PLEKHM1: variants seen among roughly 807,000 people sequenced by gnomAD.
The protein encoded by PLEKHM1 is pleckstrin homology and RUN domain containing M1.
A neutral mutation model predicts 94.3 loss-of-function variants in PLEKHM1; 28 were observed. That is an observed-to-expected ratio of 0.30 (90% CI 0.22 to 0.41). PLEKHM1 has a LOEUF of 0.41. Among genes scored for constraint, PLEKHM1 ranks in the 10% least tolerant of loss-of-function variants. The probability of loss-of-function intolerance (pLI) is 1.00; values close to 1 mark genes in which losing one functional copy is unlikely to be tolerated. For missense variants in PLEKHM1, 907 were observed against 1,358.6 expected, an observed-to-expected ratio of 0.67 and a Z score of 5.22; for synonymous variants, 424 against 581.2, an observed-to-expected ratio of 0.73 and a Z score of 3.89.
In PLEKHM1 at chr17:45,453,961, G is replaced by T. The variant is rs1485058989; in HGVS notation, c.1891C>A (p.Gln631Lys). The change falls in exon 7 of 12, where the codon CAG becomes AAG. Residue 631 changes from glutamine (Q) to lysine (K), a missense_variant. Gln to Lys is a moderately conservative substitution (Grantham distance 53, BLOSUM62 1). Coordinates refer to ENST00000430334, the MANE Select transcript of PLEKHM1 (RefSeq NM_014798.3). The surrounding 1 kb of genome is among the most constrained non-coding windows in gnomAD (Gnocchi z 4.1). ...REALQKVRPQ[Q>K]EDEWVNVQYP... ...TGCACGTTCACCCACTCATCCTCCT[G>T]CTGAGGCCGGACCTTCTGCAGGGCC... 36 of 1,613,808 alleles carry T rather than the reference G, an allele frequency of 2.2e-5. No homozygotes were observed. Among genetic ancestry groups the T allele is most frequent in the Non-Finnish European group, 3.0e-5 (35 of 1,179,854 alleles).
intron 5 of PLEKHM1, among the ~76,000 whole-genome samples, chr17:45,458,772 G>A (rs1481387866): frequency 4.0e-5 from 6 of 151,168 alleles, no homozygotes; most frequent in Non-Finnish European, 8.8e-5. Flanking sequence ...TGCCCAGCCT[G>A]AAGTTTTTTT....
At chr17:45,451,393 G>A (rs1016317220) in intron 7 of PLEKHM1, among the ~76,000 whole-genome samples, 38 of 152,290 alleles carry the variant, frequency 2.5e-4, no homozygotes, top group Non-Finnish European at 5.0e-4. Context: ...ATGGGAGTGG[G>A]ATGTGCCCTG....
intron 5 of PLEKHM1, among the ~76,000 whole-genome samples, chr17:45,465,875 A>G (rs912077094): frequency 1.2e-4 from 18 of 152,036 alleles, no homozygotes; most frequent in Non-Finnish European, 2.5e-4. Flanking sequence ...GCAAAGCAGA[A>G]GCTAGACCAT....
At chr17:45,466,988 T>C (rs1476039789) in intron 5 of PLEKHM1, among the ~76,000 whole-genome samples, 1 of 152,202 alleles carries the variant, frequency 6.6e-6, no homozygotes, top group Non-Finnish European at 1.5e-5. Context: ...AACCCAAATG[T>C]CCATTAACAG....
intron 8 of PLEKHM1, 149 bp downstream of exon 8, chr17:45,450,469 G>C: frequency 7.6e-7 from 1 of 1,316,144 alleles, no homozygotes; most frequent in Non-Finnish European, 1.1e-6. Context: ...CTCTTGGTTA[G>C]CTCCCCAACA....
chr17:45,454,369 G>T, intron 6 of PLEKHM1, 97 bp from the exon 7 acceptor site: 3 of 1,123,180 alleles, frequency 2.7e-6, no homozygotes, highest in Non-Finnish European at 3.9e-6. Context: ...AGTGCATGTG[G>T]CCAGTGACTG....
chr17:45,459,033 C>T (rs59164911), intron 5 of PLEKHM1, among the ~76,000 whole-genome samples: 3 of 151,982 alleles, frequency 2.0e-5, no homozygotes, highest in South Asian at 2.1e-4. Context: ...GAGGCTGAAG[C>T]GGGAGAATCG....
At chr17:45,448,613 G>A (rs2050681746) in intron 8 of PLEKHM1, among the ~76,000 whole-genome samples, 1 of 152,182 alleles carries the variant, frequency 6.6e-6, no homozygotes, top group Non-Finnish European at 1.5e-5. Context: ...ATATAGGCAG[G>A]AGGTGTGACA....
downstream of PLEKHM1, among the ~76,000 whole-genome samples, chr17:45,435,205 G>A (rs532404310): frequency 4.5e-4 from 68 of 152,180 alleles, no homozygotes; most frequent in Non-Finnish European, 8.4e-4. Context: ...GGCAGAGGGT[G>A]CCACCTTGTA....
chr17:45,448,965 A>G (rs1482332318), intron 8 of PLEKHM1, among the ~76,000 whole-genome samples: 1 of 152,244 alleles, frequency 6.6e-6, no homozygotes, highest in Non-Finnish European at 1.5e-5. Flanking sequence ...CAATAAATGC[A>G]CAGAAAAGGG....
chr17:45,485,443 C>T (rs1054342987), intron 1 of PLEKHM1, among the ~76,000 whole-genome samples: 33 of 152,158 alleles, frequency 2.2e-4, no homozygotes, highest in African/African-American at 6.7e-4. Flanking sequence ...GCTACAGGGC[C>T]GGGACCCTAA....
At position 45,444,242 on chromosome 17, in the gene PLEKHM1, T is replaced by G. The variant is rs2684648; in HGVS notation, c.2837+1228A>C. On this transcript the variant is annotated intron_variant, in intron 9 of 11. Transcript: ENST00000430334. This position sits in a 1 kb window ranked among gnomAD's most constrained non-coding sequence, Gnocchi z 5.0. ...CTGCCCCCAGAAACCCAGCAGAGGT[T>G]GATTTGAAGCCCATTCTGGGCAGTA... Among the ~76,000 whole-genome samples, 2 of 152,134 alleles carry G rather than the reference T, an allele frequency of 1.3e-5. No homozygotes were observed. Among genetic ancestry groups the G allele is most frequent in the Non-Finnish European group, 2.9e-5 (2 of 68,010 alleles).
chr17:45,458,359 T>C lies in PLEKHM1; in HGVS notation c.1389A>G (p.Pro463=), dbSNP rs2051038334. The C allele has an allele frequency of 6.2e-7, 1 of 1,613,986 alleles. No homozygotes were observed. The highest frequency in any genetic ancestry group is 8.5e-7 in the Non-Finnish European group (1 of 1,179,840). The change falls in exon 6 of 12, where the codon CCA becomes CCG. Residue 463 remains proline, a synonymous_variant. Coordinates refer to ENST00000430334, the MANE Select transcript of PLEKHM1 (RefSeq NM_014798.3). ...EQPLESASDH[P]IASYRGTPGS... ...CTGGAGTCCCCCTGTAAGAAGCTAT[T>C]GGGTGGTCTGAAGCACTCTCCAGGG...
chr17:45,475,233 AG>A lies in PLEKHM1; in HGVS notation c.789del (p.Cys264AlafsTer3). ...SLDTASSSQL[S>X]CSLNSDSCLL... ...AAGCAGCTATCAGAGTTTAGGCTGC[AG>A]GACAGCTGGGATGAACTGGCCGTGT... On this transcript the variant is annotated frameshift_variant, in exon 4 of 12. Coordinates refer to ENST00000430334, the MANE Select transcript of PLEKHM1 (RefSeq NM_014798.3). LOFTEE classifies it high-confidence loss of function. 1 of 1,614,030 alleles carries A rather than the reference AG, an allele frequency of 6.2e-7. No individual in the cohort carries two copies. Among genetic ancestry groups the A allele is most frequent in the Non-Finnish European group, 8.5e-7 (1 of 1,179,882 alleles).
intron 3 of PLEKHM1, chr17:45,477,562 A>C (rs2051791995): frequency 1.5e-5 from 6 of 399,552 alleles, no homozygotes; most frequent in Admixed American, 7.2e-5. Flanking sequence ...CAGGCCACAC[A>C]ACCTCTGTTG....
chr17:45,453,742 A>G lies in PLEKHM1; in HGVS notation c.2110T>C (p.Ser704Pro). The G allele has an allele frequency of 1.2e-6, 2 of 1,613,916 alleles. No individual in the cohort carries two copies. The highest frequency in any genetic ancestry group is 1.7e-6 in the Non-Finnish European group (2 of 1,179,838). Reference sequence around the variant, plus strand: ...CATTTCAGAGCCTCCAAGGACAGAGAAAATATATAGGGCATCCAGGTCCTG... The same window carrying G: ...CATTTCAGAGCCTCCAAGGACAGAGGAAATATATAGGGCATCCAGGTCCTG... The part of the protein sequence containing the change: ...MDRTWMPYIF[S>P]LSLEALKCFR... Residue 704 changes from serine to proline, a missense_variant, in exon 7 of 12, where the codon TCT (serine) becomes CCT (proline). Coordinates refer to ENST00000430334, the MANE Select transcript of PLEKHM1 (RefSeq NM_014798.3). This position sits in a 1 kb window ranked among gnomAD's most constrained non-coding sequence, Gnocchi z 4.1.
In PLEKHM1 at chr17:45,444,104, G is replaced by C; in HGVS notation, c.2837+1366C>G. On this transcript the variant is annotated intron_variant, in intron 9 of 11. Coordinates refer to ENST00000430334, the MANE Select transcript of PLEKHM1 (RefSeq NM_014798.3). This position sits in a 1 kb window ranked among gnomAD's most constrained non-coding sequence, Gnocchi z 5.0. ...CTGGCCCTGAGGAGGCCCGGCTCTG[G>C]GAGCACTGCAGCCAGGATGGAGGAG... 6.6e-6 allele frequency among the ~76,000 whole-genome samples: 1 copy of C among 152,148 alleles called. No individual in the cohort carries two copies. Among genetic ancestry groups the C allele is most frequent in the East Asian group, 1.9e-4 (1 of 5,182 alleles).
At chr17:45,479,423 C>T (rs1485180393) in intron 2 of PLEKHM1, among the ~76,000 whole-genome samples, 2 of 151,058 alleles carry the variant, frequency 1.3e-5, no homozygotes, top group Non-Finnish European at 1.5e-5. Flanking sequence ...GAGGCTGAGG[C>T]AGGAGAATGG....
chr17:45,490,575 G>C, intron 1 of PLEKHM1, 77 bp downstream of exon 1: 1 of 410,878 alleles, frequency 2.4e-6, no homozygotes, highest in South Asian at 1.7e-5. Context: ...GGAGGGAGCG[G>C]GAGGCCCACC....
Sources: allele counts gnomAD v4.1 joint callset (sites outside exome capture counted in the v4.1 genomes callset), GRCh38; gene constraint gnomAD v4.1.1; non-coding constraint Gnocchi (gnomAD v3.1); transcripts MANE v1.5; gene names NCBI Gene and HGNC (gene_info 2026-07-23, HGNC 2026-07-21).